The following SNTG2 variants were observed in gnomAD, a reference collection of about 807,000 sequenced individuals.
The protein encoded by SNTG2 is syntrophin gamma 2, also known as gamma-2-syntrophin.
SNTG2 carries 74 observed loss-of-function variants against 70.9 expected under a neutral mutation model. That is an observed-to-expected ratio of 1.04 (90% CI 0.86 to 1.27). The LOEUF is 1.27. Ranked by LOEUF, SNTG2 falls within the 50% of genes most tolerant of loss-of-function variation. The probability of loss-of-function intolerance (pLI) is 0.00; values close to 1 mark genes in which losing one functional copy is unlikely to be tolerated. For missense variants in SNTG2, 717 were observed against 690.7 expected (o/e 1.04, Z -0.43); for synonymous variants, 278 against 273.8 (o/e 1.02, Z -0.15).
chr2:1,263,608 T>C (rs1274933064), intron 13 of SNTG2, among the ~76,000 whole-genome samples: 1 of 152,176 alleles, frequency 6.6e-6, no homozygotes, highest in Non-Finnish European at 1.5e-5. Context: ...TTCTGGATAT[T>C]GCCAGAGCTG....
intron 8 of SNTG2, among the ~76,000 whole-genome samples, chr2:1,191,612 G>A (rs1401566315): frequency 1.3e-5 from 2 of 152,072 alleles, no homozygotes; most frequent in Admixed American, 6.6e-5. Context: ...TGGCTAACAC[G>A]GTGAAACCCC....
chr2:1,100,632 C>T (rs116153688), intron 4 of SNTG2, among the ~76,000 whole-genome samples: 1,870 of 152,176 alleles, frequency 0.012, 45 homozygotes, highest in African/African-American at 0.043. Flanking sequence ...CTGTGTCGGG[C>T]GTGGTTGGTT....
intron 1 of SNTG2, among the ~76,000 whole-genome samples, chr2:1,037,034 G>C (rs2148048261): frequency 1.3e-5 from 2 of 152,350 alleles, no homozygotes; most frequent in African/African-American, 4.8e-5. Context: ...CTTGCAGGTG[G>C]CTGCCTGAAG....
chr2:1,200,773 G>A (rs1051135993), intron 8 of SNTG2, among the ~76,000 whole-genome samples: 12 of 151,766 alleles, frequency 7.9e-5, no homozygotes, highest in African/African-American at 2.2e-4. Flanking sequence ...AATGGCCAAC[G>A]AACAGATATA....
intron 7 of SNTG2, among the ~76,000 whole-genome samples, chr2:1,167,519 A>G (rs36117127): frequency 4.6e-3 from 304 of 66,772 alleles, no homozygotes; most frequent in East Asian, 9.0e-3. Context: ...CAGAACTGAA[A>G]CCTACAGGCC....
intron 9 of SNTG2, among the ~76,000 whole-genome samples, chr2:1,237,193 T>G (rs184377114): frequency 6.6e-6 from 1 of 152,304 alleles, no homozygotes; most frequent in Admixed American, 6.5e-5. Flanking sequence ...TCCACCTACC[T>G]CAGTCTTCCA....
At chr2:1,239,103 A>G (rs1412436092) in intron 10 of SNTG2, among the ~76,000 whole-genome samples, 11 of 152,244 alleles carry the variant, frequency 7.2e-5, no homozygotes, top group African/African-American at 2.7e-4. Flanking sequence ...TAAATAGGGA[A>G]GAAAGGATGG....
In SNTG2 at chr2:1,121,989, G is replaced by A. The variant is rs998668003; in HGVS notation, c.326-15633G>A. Among the ~76,000 whole-genome samples the A allele has an allele frequency of 7.2e-5, 11 of 152,264 alleles. No individual in the cohort carries two copies. In the South Asian group the frequency reaches 8.3e-4, roughly 11 times the overall value. ...GACTATTATGAACTATTATATGCCA[G>A]AAAATTGGACTACCTAGAGGAAATG... On this transcript the variant is annotated intron_variant, in intron 4 of 16. Transcript: ENST00000308624.
intron 8 of SNTG2, among the ~76,000 whole-genome samples, chr2:1,186,084 A>T (rs2147926522): frequency 6.6e-6 from 1 of 152,300 alleles, no homozygotes; most frequent in South Asian, 2.1e-4. Flanking sequence ...TTCTTCCACC[A>T]GATACCCCAT....
chr2:1,221,436 TG>T, intron 9 of SNTG2, among the ~76,000 whole-genome samples: 1 of 133,506 alleles, frequency 7.5e-6, no homozygotes, highest in Non-Finnish European at 1.6e-5. Context: ...TGTCTCTCTC[TG>T]TCTCTGTCTC....
chr2:1,095,451 A>G (rs572933339), intron 2 of SNTG2, among the ~76,000 whole-genome samples: 12 of 152,350 alleles, frequency 7.9e-5, no homozygotes, highest in African/African-American at 2.6e-4. Context: ...CTTAGCTAAA[A>G]TCATAGAGAA....
At chr2:1,135,749 T>C (rs539465030) in intron 4 of SNTG2, among the ~76,000 whole-genome samples, 76 of 152,268 alleles carry the variant, frequency 5.0e-4, no homozygotes, top group Non-Finnish European at 9.0e-4. Context: ...ACAAAGACAT[T>C]ATCTCCTGCA....
intron 1 of SNTG2, among the ~76,000 whole-genome samples, chr2:1,037,645 T>C (rs1661205933): frequency 6.6e-6 from 1 of 152,148 alleles, no homozygotes; most frequent in Non-Finnish European, 1.5e-5. Context: ...TGGTGCTTTA[T>C]ATACACAGAA....
chr2:1,223,315 G>A (rs891519700), intron 9 of SNTG2, among the ~76,000 whole-genome samples: 1 of 151,026 alleles, frequency 6.6e-6, no homozygotes, highest in African/African-American at 2.4e-5. Context: ...GTGCTGGATC[G>A]CTGTAGAGGA....
At chr2:1,117,662 G>C (rs1182668968) in intron 4 of SNTG2, among the ~76,000 whole-genome samples, 1 of 152,168 alleles carries the variant, frequency 6.6e-6, no homozygotes, top group Non-Finnish European at 1.5e-5. Flanking sequence ...ACAGCTCCCT[G>C]AAACTGGACG....
At chr2:1,321,035 G>A (rs542562142) in intron 16 of SNTG2, among the ~76,000 whole-genome samples, 1 of 152,316 alleles carries the variant, frequency 6.6e-6, no homozygotes, top group South Asian at 2.1e-4. Context: ...ATAAATTAAT[G>A]AAGAAGGAGC....
At chr2:1,264,288 T>C (rs1266739025) in intron 13 of SNTG2, among the ~76,000 whole-genome samples, 1 of 152,206 alleles carries the variant, frequency 6.6e-6, no homozygotes, top group Non-Finnish European at 1.5e-5. Flanking sequence ...CTGCCCATGG[T>C]TAACTGGAGC....
intron 16 of SNTG2, among the ~76,000 whole-genome samples, chr2:1,323,089 G>T (rs991298573): frequency 1.3e-5 from 2 of 152,200 alleles, no homozygotes; most frequent in African/African-American, 4.8e-5. Context: ...ACATTGTGCT[G>T]TGAGTCAGAG....
chr2:1,174,411 T>C (rs554613368), intron 8 of SNTG2, among the ~76,000 whole-genome samples: 4 of 152,318 alleles, frequency 2.6e-5, no homozygotes, highest in Non-Finnish European at 2.9e-5. Context: ...GGTTTTTTGC[T>C]GTATGATATT....
Sources: gnomAD v4.1 joint callset for allele counts (sites outside exome capture counted in the v4.1 genomes callset) on GRCh38, gnomAD v4.1.1 for gene constraint, MANE v1.5 for transcripts, NCBI Gene and HGNC (gene_info 2026-07-23, HGNC 2026-07-21) for gene names.